The following SENP5 variants were observed in gnomAD, a reference collection of about 807,000 sequenced individuals.
SENP5 encodes SUMO specific peptidase 5, also known as sentrin-specific protease 5.
SENP5 carries 21 observed loss-of-function variants against 74.2 expected under a neutral mutation model. The ratio of observed to expected loss-of-function variants is 0.28; its 90% CI spans 0.20 to 0.41. SENP5 has a LOEUF of 0.41. Ranked by LOEUF, SENP5 falls within the 10% of genes least tolerant of loss-of-function variation. SENP5 has a pLI of 1.00. For missense variants in SENP5, 717 were observed against 889.1 expected (o/e 0.81, Z 2.46); for synonymous variants, 311 against 312.7 (o/e 0.99, Z 0.06).
chr3:196,902,422 A>G (rs376025876), intron 5 of SENP5, among the ~76,000 whole-genome samples: 2 of 152,176 alleles, frequency 1.3e-5, no homozygotes, highest in East Asian at 1.9e-4. Flanking sequence ...GTGAGCCACT[A>G]TGTCTGGCAG....
intron 1 of SENP5, among the ~76,000 whole-genome samples, chr3:196,871,884 A>G (rs1350471727): frequency 6.6e-6 from 1 of 151,994 alleles, no homozygotes; most frequent in African/African-American, 2.4e-5. Flanking sequence ...ACAGTCAAAT[A>G]CATAGACCTT....
At chr3:196,910,915 A>G (rs1398926458) in intron 6 of SENP5, among the ~76,000 whole-genome samples, 1 of 152,056 alleles carries the variant, frequency 6.6e-6, no homozygotes, top group Non-Finnish European at 1.5e-5. Flanking sequence ...CAGAAATAAC[A>G]CCACACATAC....
chr3:196,885,244 G>A lies in SENP5; in HGVS notation c.63G>A (p.Trp21Ter). Reference protein sequence around the residue: ...KGIHLAFSEKWNTGFGGFKKF... With the variant: ...KGIHLAFSEK ...TCCACTTAGCCTTTTCTGAGAAATG[G>A]AATACTGGGTTTGGAGGCTTTAAGA... Residue 21 changes from tryptophan to a stop codon, truncating the protein, a stop_gained, in exon 2 of 10, where the codon TGG (tryptophan) becomes TGA (stop). Coordinates refer to ENST00000323460, the MANE Select transcript of SENP5 (RefSeq NM_152699.5). LOFTEE classifies it high-confidence loss of function. 1 of 1,614,020 alleles carries A rather than the reference G, an allele frequency of 6.2e-7. No homozygotes were observed. The highest frequency in any genetic ancestry group is 1.1e-5 in the South Asian group (1 of 91,022).
chr3:196,888,570 C>G (rs140266377), intron 2 of SENP5, among the ~76,000 whole-genome samples: 2,961 of 147,564 alleles, frequency 0.02, 38 homozygotes, highest in Non-Finnish European at 0.029. Context: ...GGCGACAGAG[C>G]GAGACTCTCT....
At position 196,885,056 on chromosome 3, in the gene SENP5, CTT is replaced by C. The variant is rs1010891289; in HGVS notation, c.-31-87_-31-86del. 2.2e-4 allele frequency: 149 copies of C among 687,952 alleles called. 2 individuals are homozygous for C. The East Asian group carries it at 3.8e-3, about 18-fold the overall frequency. The allele number at this position is 687,952 out of a possible 1,614,324, so 42.6% of individuals were successfully genotyped here. On this transcript the variant is annotated intron_variant, in intron 1 of 9. Transcript: ENST00000323460. ...TAGTCTAAATTGAAGTATATGTACT[CTT>C]TTTTTTTCTCAATTTTCTGCCTTAG... is the stretch of plus-strand genomic sequence containing the variant.
intron 6 of SENP5, among the ~76,000 whole-genome samples, chr3:196,918,973 G>T (rs1715500243): frequency 2.1e-5 from 1 of 48,354 alleles, no homozygotes; most frequent in Non-Finnish European, 5.7e-5. Context: ...AATTATGTAT[G>T]TGTGTATCTA....
chr3:196,895,592 G>A (rs975635394), intron 2 of SENP5, among the ~76,000 whole-genome samples: 6 of 151,296 alleles, frequency 4.0e-5, no homozygotes, highest in Non-Finnish European at 8.8e-5. Context: ...TGGGATCTTG[G>A]CTCACTGCAG....
intron 5 of SENP5, 49 bp from the exon 6 acceptor site, chr3:196,903,483 TG>T: frequency 8.5e-7 from 1 of 1,172,038 alleles, no homozygotes; most frequent in Non-Finnish European, 1.2e-6. Flanking sequence ...AAGTTAAATC[TG>T]GGCACAGCCT....
At chr3:196,876,790 GA>G (rs1577792568) in intron 1 of SENP5, among the ~76,000 whole-genome samples, 1 of 151,744 alleles carries the variant, frequency 6.6e-6, no homozygotes, top group Non-Finnish European at 1.5e-5. Flanking sequence ...GCTGAGGGAG[GA>G]TTGCTGGAGC....
intron 1 of SENP5, among the ~76,000 whole-genome samples, chr3:196,874,843 T>TACTCCA (rs1430704345): frequency 1.3e-5 from 2 of 152,172 alleles, no homozygotes; most frequent in East Asian, 3.9e-4. Flanking sequence ...CGTGCCATTG[T>TACTCCA]ACTCCAGCCT....
intron 9 of SENP5, among the ~76,000 whole-genome samples, chr3:196,929,927 TAGTA>T (rs1303551640): frequency 6.6e-6 from 1 of 151,644 alleles, no homozygotes. Flanking sequence ...TGGAGGTTAT[TAGTA>T]AGCCACATTG....
rs777118442 is a variant in SENP5, at chr3:196,886,486, A to C, written c.1305A>C (p.Gln435His). 6.2e-7 allele frequency: 1 copy of C among 1,611,542 alleles called. No individual in the cohort carries two copies. Among genetic ancestry groups the C allele is most frequent in the Non-Finnish European group, 8.5e-7 (1 of 1,178,888 alleles). ...GGCCTGTGTCCCAAAAGGCTGTTCAAAATGAGAACTCATACCAGATGGAGG... is the reference window on the plus strand; with the variant it reads ...GGCCTGTGTCCCAAAAGGCTGTTCACAATGAGAACTCATACCAGATGGAGG... ...VDGPVSQKAV[Q>H]NENSYQMEED... Residue 435 changes from glutamine to histidine, a missense_variant, in exon 2 of 10, where the codon CAA becomes CAC. Around this residue, in one of 4 missense-constraint regions of SENP5, gnomAD observed 567 missense variants for 577.4 expected, o/e 0.98. Coordinates refer to ENST00000323460, the MANE Select transcript of SENP5 (RefSeq NM_152699.5).
intron 6 of SENP5, among the ~76,000 whole-genome samples, chr3:196,911,809 C>CAAAA (rs372716868): frequency 1.4e-5 from 2 of 147,684 alleles, no homozygotes; most frequent in African/African-American, 5.0e-5. Flanking sequence ...GACTCCGTCT[C>CAAAA]AAAAAAAAAC....
At chr3:196,915,743 A>T (rs2108854215) in intron 6 of SENP5, among the ~76,000 whole-genome samples, 1 of 152,286 alleles carries the variant, frequency 6.6e-6, no homozygotes, top group South Asian at 2.1e-4. Flanking sequence ...AAGGAAGAGA[A>T]TGAGAGATCG....
Position 196,887,290 on chromosome 3 carries a change from C to T in SENP5, c.1513+596C>T, listed in dbSNP as rs565821136. Among the ~76,000 whole-genome samples, 4 of 152,156 alleles carry T rather than the reference C, an allele frequency of 2.6e-5. No homozygotes were observed. The South Asian group carries it at 8.3e-4, about 32-fold the overall frequency. Reference sequence around the variant, plus strand: ...CACCTCCTGGGTTCAAGTGATTCTCCTGTCTCAACCCCCCGAGTAGTTGGG... The same window carrying T: ...CACCTCCTGGGTTCAAGTGATTCTCTTGTCTCAACCCCCCGAGTAGTTGGG... On this transcript the variant is annotated intron_variant, in intron 2 of 9. Transcript: ENST00000323460.
chr3:196,924,719 A>G (rs9873265), intron 7 of SENP5, among the ~76,000 whole-genome samples: 52,329 of 152,100 alleles, frequency 0.34, 10,016 homozygotes, highest in East Asian at 0.77. Flanking sequence ...TCTGTTGCAT[A>G]TCAGTTCCAT....
chr3:196,884,062 A>T (rs1577800016), intron 1 of SENP5, among the ~76,000 whole-genome samples: 2 of 152,250 alleles, frequency 1.3e-5, no homozygotes, highest in Non-Finnish European at 2.9e-5. Context: ...GACTGATTCC[A>T]TATTGACTTA....
chr3:196,894,953 C>G (rs962615117), intron 2 of SENP5, among the ~76,000 whole-genome samples: 1 of 152,188 alleles, frequency 6.6e-6, no homozygotes, highest in African/African-American at 2.4e-5. Context: ...CATCTTTTCA[C>G]TTAGGTTTTG....
intron 2 of SENP5, among the ~76,000 whole-genome samples, chr3:196,888,591 AAAG>A (rs956254144): frequency 5.9e-5 from 9 of 151,740 alleles, no homozygotes; most frequent in African/African-American, 1.2e-4. Flanking sequence ...CACAAAAAAA[AAAG>A]AAAGAAAAAA....
Sources: gnomAD v4.1 joint callset for allele counts (sites outside exome capture counted in the v4.1 genomes callset) on GRCh38, gnomAD v4.1.1 for gene constraint, gnomAD v4.1.1 regional missense constraint, MANE v1.5 for transcripts, NCBI Gene and HGNC (gene_info 2026-07-23, HGNC 2026-07-21) for gene names.